JPH1: variants seen among roughly 807,000 people sequenced by gnomAD.
JPH1 encodes the protein junctophilin-1.
JPH1 carries 12 observed loss-of-function variants against 53.6 expected under a neutral mutation model. That is an observed-to-expected ratio of 0.22 (90% confidence interval 0.14 to 0.36). The LOEUF (loss-of-function observed/expected upper bound fraction) is 0.36, where lower values mean the gene tolerates loss of function less well. Among genes scored for constraint, JPH1 ranks in the 10% least tolerant of loss-of-function variants. JPH1 has a pLI of 1.00. For synonymous variants in JPH1, 375 were observed against 363.8 expected (o/e 1.03, Z -0.35); for missense variants, 808 against 905.5 (o/e 0.89, Z 1.38).
intron 4 of JPH1, among the ~76,000 whole-genome samples, chr8:74,243,023 C>T (rs897525700): frequency 6.6e-6 from 1 of 152,328 alleles, no homozygotes; most frequent in Middle Eastern, 3.4e-3. Context: ...CATACACTTC[C>T]CCTTGTAGAA....
At chr8:74,251,024 G>C (rs541490616) in intron 3 of JPH1, among the ~76,000 whole-genome samples, 1 of 152,206 alleles carries the variant, frequency 6.6e-6, no homozygotes, top group Non-Finnish European at 1.5e-5. Context: ...AGCATGAGCT[G>C]AATCAAATAC....
At chr8:74,299,869 T>C (rs1807626555) in intron 2 of JPH1, among the ~76,000 whole-genome samples, 1 of 152,216 alleles carries the variant, frequency 6.6e-6, no homozygotes, top group African/African-American at 2.4e-5. Context: ...AACTGTAATT[T>C]AAAGAAAACT....
At chr8:74,276,700 C>T (rs1806858520) in intron 2 of JPH1, among the ~76,000 whole-genome samples, 1 of 152,230 alleles carries the variant, frequency 6.6e-6, no homozygotes, top group African/African-American at 2.4e-5. Context: ...AAGAACTGCA[C>T]ATGCACACCT....
chr8:74,295,518 G>A (rs1807478961), intron 2 of JPH1, among the ~76,000 whole-genome samples: 1 of 152,130 alleles, frequency 6.6e-6, no homozygotes, highest in Non-Finnish European at 1.5e-5. Flanking sequence ...TGTGCCAAGG[G>A]CACTCACATA....
intron 2 of JPH1, among the ~76,000 whole-genome samples, chr8:74,260,814 G>C (rs1214607374): frequency 6.6e-6 from 1 of 152,124 alleles, no homozygotes; most frequent in Non-Finnish European, 1.5e-5. Flanking sequence ...TGCTCTCACG[G>C]GACTCCTTTC....
chr8:74,265,412 T>C (rs1806505330), intron 2 of JPH1, among the ~76,000 whole-genome samples: 1 of 152,214 alleles, frequency 6.6e-6, no homozygotes. Context: ...ATTCTCCAGA[T>C]AGGACAGATC....
chr8:74,282,505 A>C (rs11985745), intron 2 of JPH1, among the ~76,000 whole-genome samples: 109 of 152,332 alleles, frequency 7.2e-4, no homozygotes, highest in African/African-American at 2.5e-3. Flanking sequence ...ACTGCAGGAA[A>C]ACATTTTAAA....
At chr8:74,273,326 A>C (rs573906334) in intron 2 of JPH1, among the ~76,000 whole-genome samples, 12 of 152,334 alleles carry the variant, frequency 7.9e-5, no homozygotes, top group African/African-American at 2.6e-4. Context: ...TATCTGCACC[A>C]ACTTAGGAGT....
chr8:74,314,398 T>C (rs766099531), intron 2 of JPH1, among the ~76,000 whole-genome samples: 2 of 152,232 alleles, frequency 1.3e-5, no homozygotes, highest in East Asian at 1.9e-4. Context: ...TAAGTGTACA[T>C]ACCTCCGATG....
chr8:74,270,917 C>T (rs74923088), intron 2 of JPH1, among the ~76,000 whole-genome samples: 2,122 of 152,228 alleles, frequency 0.014, 45 homozygotes, highest in East Asian at 0.078. Flanking sequence ...TGGGATGCCA[C>T]GGCTGTTGGT....
At chr8:74,249,585 T>C (rs1805976992) in intron 3 of JPH1, among the ~76,000 whole-genome samples, 1 of 152,206 alleles carries the variant, frequency 6.6e-6, no homozygotes, top group South Asian at 2.1e-4. Flanking sequence ...ATACGTGGTA[T>C]GAGTAACCAG....
intron 2 of JPH1, among the ~76,000 whole-genome samples, chr8:74,270,063 G>A (rs1308712662): frequency 1.3e-5 from 2 of 151,840 alleles, no homozygotes; most frequent in African/African-American, 4.9e-5. Flanking sequence ...ATTGAAAAAT[G>A]CACATTTTGA....
intron 2 of JPH1, among the ~76,000 whole-genome samples, chr8:74,283,307 G>A (rs1019017936): frequency 6.6e-6 from 1 of 151,900 alleles, no homozygotes; most frequent in Non-Finnish European, 1.5e-5. Context: ...GTGTGGCATA[G>A]TGTCATTTAT....
chr8:74,266,564 T>C (rs1423276158), intron 2 of JPH1, among the ~76,000 whole-genome samples: 1 of 152,140 alleles, frequency 6.6e-6, no homozygotes, highest in Non-Finnish European at 1.5e-5. Flanking sequence ...CATTATTGTT[T>C]AATGGGTACA....
chr8:74,235,580 T>C lies in JPH1; in HGVS notation c.*1471A>G, dbSNP rs1165666878. On this transcript the variant is annotated 3_prime_UTR_variant, in exon 6 of 6. Coordinates refer to ENST00000342232, the MANE Select transcript of JPH1 (RefSeq NM_020647.4). ...GCTCCCCCTCTGCAATGTAATGTTT[T>C]ATAAAGATTTAATAGATTAGATAGA... 1 of 152,664 alleles carries C rather than the reference T, an allele frequency of 6.6e-6. No individual in the cohort carries two copies. The highest frequency in any genetic ancestry group is 6.5e-5 in the Admixed American group (1 of 15,284). The allele number at this position is 152,664 out of a possible 1,614,324, so 9.5% of individuals were successfully genotyped here. A position where few individuals can be genotyped will look rare whatever the true frequency, so the allele number is the denominator to read the frequency against.
intron 2 of JPH1, among the ~76,000 whole-genome samples, chr8:74,287,858 T>C (rs1239726629): frequency 6.6e-6 from 1 of 152,162 alleles, no homozygotes; most frequent in Non-Finnish European, 1.5e-5. Context: ...TTAATCTTAT[T>C]GAAGAAATTC....
chr8:74,312,298 C>A (rs1479606245), intron 2 of JPH1, among the ~76,000 whole-genome samples: 2 of 152,152 alleles, frequency 1.3e-5, no homozygotes, highest in Non-Finnish European at 2.9e-5. Flanking sequence ...GACACTCAAG[C>A]TGGAGTGCAG....
intron 2 of JPH1, among the ~76,000 whole-genome samples, chr8:74,290,595 ACC>A (rs1807295554): frequency 6.6e-6 from 1 of 152,208 alleles, no homozygotes; most frequent in Admixed American, 6.5e-5. Flanking sequence ...CCATCAAGCT[ACC>A]AATGACTTTC....
chr8:74,259,629 A>C, intron 2 of JPH1, 126 bp from the exon 3 acceptor site: 1 of 661,964 alleles, frequency 1.5e-6, no homozygotes. Context: ...ACAAGAGCAA[A>C]AATTTTAGAG....
Sources: allele counts gnomAD v4.1 joint callset (sites outside exome capture counted in the v4.1 genomes callset), GRCh38; gene constraint gnomAD v4.1.1; transcripts MANE v1.5; gene names NCBI Gene and HGNC (gene_info 2026-07-23, HGNC 2026-07-21).